The following LIN28B variants were observed in gnomAD, a reference collection of about 807,000 sequenced individuals.
LIN28B encodes protein lin-28 homolog B.
Under a neutral mutation model 21.9 loss-of-function variants are expected in LIN28B, and 5 were observed. The observed-to-expected ratio is 0.23, with a 90% confidence interval of 0.12 to 0.48. LIN28B has a LOEUF of 0.48. LIN28B is among the 20% of genes least tolerant of loss of function. The probability of loss-of-function intolerance (pLI) is 0.98; values close to 1 mark genes in which losing one functional copy is unlikely to be tolerated. For synonymous variants in LIN28B, 109 were observed against 111.3 expected (o/e 0.98, Z 0.13); for missense variants, 245 against 310.5 (o/e 0.79, Z 1.58).
intron 3 of LIN28B, among the ~76,000 whole-genome samples, chr6:105,052,903 A>G (rs1209684443): frequency 1.3e-5 from 2 of 151,560 alleles, no homozygotes; most frequent in Non-Finnish European, 2.9e-5. Flanking sequence ...TGATTACTTA[A>G]TTTACTTTAT....
chr6:105,070,571 ACTCTAT>A (rs1326209746), intron 3 of LIN28B, among the ~76,000 whole-genome samples: 11 of 129,088 alleles, frequency 8.5e-5, no homozygotes, highest in African/African-American at 1.5e-4. Context: ...ACATGGCAAA[ACTCTAT>A]CTCTATCAAT....
chr6:104,981,905 A>C (rs1770233513), intron 2 of LIN28B, among the ~76,000 whole-genome samples: 2 of 152,226 alleles, frequency 1.3e-5, no homozygotes, highest in African/African-American at 4.8e-5. Context: ...AAATAAGGTT[A>C]TGTGATAAGA....
At chr6:105,061,674 G>A (rs563845256) in intron 3 of LIN28B, among the ~76,000 whole-genome samples, 23 of 152,188 alleles carry the variant, frequency 1.5e-4, no homozygotes, top group African/African-American at 5.3e-4. Flanking sequence ...ACCAAATGAA[G>A]TAAGTGGAAA....
chr6:104,973,848 C>G (rs1410422390), intron 2 of LIN28B, among the ~76,000 whole-genome samples: 1 of 152,064 alleles, frequency 6.6e-6, no homozygotes, highest in Non-Finnish European at 1.5e-5. Context: ...TCTTTTATAC[C>G]TTTTCTAAAG....
chr6:105,030,545 A>G (rs1771398323), intron 3 of LIN28B, among the ~76,000 whole-genome samples: 1 of 140,408 alleles, frequency 7.1e-6, no homozygotes, highest in African/African-American at 2.6e-5. Flanking sequence ...AAGATAATGT[A>G]TTGTATTTCA....
chr6:105,042,204 G>C (rs1032355816), intron 3 of LIN28B, among the ~76,000 whole-genome samples: 1 of 152,116 alleles, frequency 6.6e-6, no homozygotes, highest in Non-Finnish European at 1.5e-5. Flanking sequence ...ATTATGAGTA[G>C]AGACACTGAA....
chr6:104,995,435 G>T (rs1358398101), intron 2 of LIN28B, among the ~76,000 whole-genome samples: 2 of 152,102 alleles, frequency 1.3e-5, no homozygotes, highest in Non-Finnish European at 2.9e-5. Context: ...ATTTGGGGGG[G>T]CCAGATATAA....
exon 2 of LIN28B, chr6:104,937,080 A>T (rs1417471295): frequency 6.6e-6 from 1 of 151,756 alleles, no homozygotes; most frequent in Admixed American, 6.6e-5. Context: ...CCTCTGAAGA[A>T]GGTGCTGGGA....
intron 3 of LIN28B, among the ~76,000 whole-genome samples, chr6:105,076,443 C>T (rs1233732506): frequency 6.6e-6 from 1 of 152,032 alleles, no homozygotes; most frequent in Non-Finnish European, 1.5e-5. Context: ...ACTAAATATC[C>T]TATATACACT....
intron 2 of LIN28B, among the ~76,000 whole-genome samples, chr6:105,022,027 G>GT (rs1449435159): frequency 6.6e-6 from 1 of 152,110 alleles, no homozygotes; most frequent in Non-Finnish European, 1.5e-5. Flanking sequence ...AGTGGAAAAT[G>GT]TAAGTAAGGT....
intron 3 of LIN28B, among the ~76,000 whole-genome samples, chr6:104,951,604 G>T (rs111800418): frequency 5.9e-5 from 9 of 151,904 alleles, no homozygotes; most frequent in African/African-American, 1.7e-4. Flanking sequence ...CTTTTCTGTT[G>T]GGAAATAATG....
chr6:104,985,561 G>A lies in LIN28B; in HGVS notation c.198+27275G>A, dbSNP rs564936815. The stretch of plus-strand genomic sequence containing the variant: ...TGTTCAGCAAATATCTTCTCAATAT[G>A]TGACTTGCCTTTTTTACCTTCTTCA... On this transcript the variant is annotated intron_variant, in intron 2 of 3. Coordinates refer to ENST00000345080, the MANE Select transcript of LIN28B (RefSeq NM_001004317.4). Among the ~76,000 whole-genome samples, 3 of 152,070 alleles carry A rather than the reference G, an allele frequency of 2.0e-5. No individual in the cohort carries two copies. The South Asian group carries it at 6.2e-4, about 32-fold the overall frequency.
chr6:104,971,106 A>T (rs1582871391), intron 2 of LIN28B, among the ~76,000 whole-genome samples: 1 of 152,132 alleles, frequency 6.6e-6, no homozygotes, highest in African/African-American at 2.4e-5. Context: ...CCAAATAATA[A>T]CTAAAATATT....
Position 104,950,406 on chromosome 6 carries a change from A to G in LIN28B, c.19-55A>G, listed in dbSNP as rs1342425865. 11 of 925,900 alleles carry G rather than the reference A, an allele frequency of 1.2e-5. No individual in the cohort carries two copies. The South Asian group carries it at 4.9e-4, about 42-fold the overall frequency. The allele number at this position is 925,900 out of a possible 1,614,324, so 57.4% of individuals were successfully genotyped here. On this transcript the variant is annotated intron_variant, in intron 2 of 5. Transcript: ENST00000635857. Reference sequence around the variant, plus strand: ...TTTCTAATGGCCATTAGGATGAAGAAGAGGCAATTAAATAGGCAATTAATG... The same window carrying G: ...TTTCTAATGGCCATTAGGATGAAGAGGAGGCAATTAAATAGGCAATTAATG...
chr6:105,078,666 A>G lies in LIN28B; in HGVS notation c.636A>G (p.Ala212=). The change falls in exon 4 of 4, where the codon GCA becomes GCG. Residue 212 remains alanine, a synonymous_variant. Coordinates refer to ENST00000345080, the MANE Select transcript of LIN28B (RefSeq NM_001004317.4). ...CACCGTTTCCTCAGGAGGCTAGGGC[A>G]GAGATCTCAGAACGGTCAGGCAGGT... ...TSPPFPQEAR[A]EISERSGRSP... The G allele has an allele frequency of 6.2e-7, 1 of 1,614,142 alleles. No homozygotes were observed. The highest frequency in any genetic ancestry group is 8.5e-7 in the Non-Finnish European group (1 of 1,179,994).
intron 2 of LIN28B, among the ~76,000 whole-genome samples, chr6:105,010,176 C>A (rs901750566): frequency 4.3e-4 from 65 of 151,458 alleles, no homozygotes; most frequent in African/African-American, 1.5e-3. Context: ...GGCAACATGA[C>A]GAAACCCCGT....
Position 105,041,384 on chromosome 6 carries a change from T to C in LIN28B, c.383+14902T>C, listed in dbSNP as rs115081076. ...AATGTCTTCTTTGTTAATTTTGTTA[T>C]ATTTTTCTTTCTATTTTCATAAGTT... On this transcript the variant is annotated intron_variant, in intron 3 of 3. Transcript: ENST00000345080. Among the ~76,000 whole-genome samples the C allele has an allele frequency of 1.0e-3, 157 of 152,290 alleles. 2 individuals are homozygous for C. Among genetic ancestry groups the C allele is most frequent in the African/African-American group, 3.6e-3 (150 of 41,560 alleles).
At chr6:104,987,426 CT>C in intron 2 of LIN28B, among the ~76,000 whole-genome samples, 1 of 152,226 alleles carries the variant, frequency 6.6e-6, no homozygotes. Flanking sequence ...GTGGTGCAAC[CT>C]CAAACTCTTG....
chr6:105,052,065 T>A (rs1173890249), intron 3 of LIN28B, among the ~76,000 whole-genome samples: 1 of 152,096 alleles, frequency 6.6e-6, no homozygotes, highest in African/African-American at 2.4e-5. Flanking sequence ...GAACAAGCCT[T>A]GTAAAGATCT....
Sources: allele counts gnomAD v4.1 joint callset (sites outside exome capture counted in the v4.1 genomes callset), GRCh38; gene constraint gnomAD v4.1.1; transcripts MANE v1.5; gene names NCBI Gene and HGNC (gene_info 2026-07-23, HGNC 2026-07-21).